The following PPP2R2D variants were observed in gnomAD, a reference collection of about 807,000 sequenced individuals.
The protein encoded by PPP2R2D is protein phosphatase 2 regulatory subunit Bdelta.
Under a neutral mutation model 31.1 loss-of-function variants are expected in PPP2R2D, and 9 were observed. The observed-to-expected ratio is 0.29, with a 90% confidence interval of 0.17 to 0.51. The LOEUF is 0.51. PPP2R2D is among the 20% of genes least tolerant of loss of function. The pLI, the probability that PPP2R2D is intolerant of heterozygous loss-of-function variation, is 0.98. For missense variants in PPP2R2D, 391 were observed against 465.6 expected (o/e 0.84, Z 1.48); for synonymous variants, 179 against 172.6 (o/e 1.04, Z -0.29).
Position 131,957,001 on chromosome 10 carries a change from C to G in PPP2R2D, c.*1038C>G, listed in dbSNP as rs192331368. On this transcript the variant is annotated 3_prime_UTR_variant, in exon 9 of 9. Transcript: ENST00000455566. ...TTAAGCAATTTTAATTACACGATGC[C>G]ACCAGTACGTTGGTTTATTTTCAAA... 2 of 152,274 alleles carry G rather than the reference C, an allele frequency of 1.3e-5. No individual in the cohort carries two copies. Among genetic ancestry groups the G allele is most frequent in the Non-Finnish European group, 2.9e-5 (2 of 68,074 alleles). The allele number at this position is 152,274 out of a possible 1,614,324, so 9.4% of individuals were successfully genotyped here.
At chr10:131,962,048 G>A (rs1015761993), downstream of PPP2R2D, among the ~76,000 whole-genome samples, 15 of 152,218 alleles carry the variant, frequency 9.9e-5, no homozygotes, top group African/African-American at 2.4e-4. Flanking sequence ...ACCGGTGCCC[G>A]GGACTCTGCT....
downstream of PPP2R2D, among the ~76,000 whole-genome samples, chr10:131,962,743 C>T (rs1453663598): frequency 6.6e-6 from 1 of 152,180 alleles, no homozygotes; most frequent in African/African-American, 2.4e-5. Flanking sequence ...ATGGCCAGGC[C>T]CAGACCACGT....
At chr10:131,929,577 C>A (rs1554895395) in intron 2 of PPP2R2D, among the ~76,000 whole-genome samples, 1 of 152,178 alleles carries the variant, frequency 6.6e-6, no homozygotes. Flanking sequence ...CGTGTCCTCT[C>A]TTTCACTCCT....
chr10:131,920,399 A>T (rs1216970865), intron 2 of PPP2R2D, among the ~76,000 whole-genome samples: 5 of 136,248 alleles, frequency 3.7e-5, no homozygotes, highest in East Asian at 2.4e-4. Context: ...GTGGAGTGAC[A>T]CAGTGTAGGG....
chr10:131,935,491 C>T (rs1311148620), intron 3 of PPP2R2D, among the ~76,000 whole-genome samples: 1 of 150,848 alleles, frequency 6.6e-6, no homozygotes, highest in Admixed American at 6.6e-5. Context: ...GGCCCTGCCC[C>T]CCAGGAAGGG....
chr10:131,918,419 G>C (rs2035873890), intron 2 of PPP2R2D, among the ~76,000 whole-genome samples: 2 of 147,624 alleles, frequency 1.4e-5, no homozygotes, highest in Non-Finnish European at 3.0e-5. Context: ...GATCTCACAT[G>C]GGTGGAATGA....
intron 2 of PPP2R2D, among the ~76,000 whole-genome samples, chr10:131,930,407 C>T (rs1461789276): frequency 2.0e-5 from 3 of 152,250 alleles, no homozygotes; most frequent in East Asian, 1.9e-4. Flanking sequence ...CTGCCATCTT[C>T]CTTCTCTTGG....
intron 2 of PPP2R2D, among the ~76,000 whole-genome samples, chr10:131,932,295 C>T (rs956378272): frequency 6.6e-6 from 1 of 152,074 alleles, no homozygotes; most frequent in Admixed American, 6.6e-5. Flanking sequence ...CCAGGAGGTG[C>T]CAGGCTGTAC....
intron 2 of PPP2R2D, among the ~76,000 whole-genome samples, chr10:131,902,748 CTCTT>C (rs2035520788): frequency 6.6e-6 from 1 of 152,124 alleles, no homozygotes; most frequent in East Asian, 1.9e-4. Context: ...TTTCTGTTAA[CTCTT>C]TATTTTGTTT....
At position 131,956,491 on chromosome 10, in the gene PPP2R2D, C is replaced by G. The variant is rs1554900043; in HGVS notation, c.*528C>G. On this transcript the variant is annotated 3_prime_UTR_variant, in exon 9 of 9. Transcript: ENST00000455566. ...CACTCACCCACAGCATCCGCCGCCA[C>G]CCCTTCGGGTGTGAGCGCTCAATAA... 1.0e-6 allele frequency: 1 copy of G among 985,460 alleles called. No homozygotes were observed. Among genetic ancestry groups the G allele is most frequent in the African/African-American group, 1.7e-5 (1 of 57,246 alleles). 61.0% of individuals were successfully genotyped at this position (985,460 alleles called of 1,614,324 possible).
chr10:131,965,439 C>CA, the PPP2R2D span, among the ~76,000 whole-genome samples: 1 of 151,824 alleles, frequency 6.6e-6, no homozygotes, highest in Non-Finnish European at 1.5e-5. Context: ...TAAGGGCTGT[C>CA]AAAAAAACTA....
chr10:131,924,125 G>GT (rs1215624544), intron 2 of PPP2R2D, among the ~76,000 whole-genome samples: 2 of 152,116 alleles, frequency 1.3e-5, no homozygotes, highest in African/African-American at 4.8e-5. Context: ...TGTGTTTTCA[G>GT]TCTCTTGATG....
intron 2 of PPP2R2D, among the ~76,000 whole-genome samples, chr10:131,910,499 G>C (rs2035665047): frequency 6.6e-6 from 1 of 152,206 alleles, no homozygotes; most frequent in Non-Finnish European, 1.5e-5. Context: ...TTTCTGTGAA[G>C]TGAGGGACGC....
intron 2 of PPP2R2D, among the ~76,000 whole-genome samples, chr10:131,913,986 C>T (rs2035728241): frequency 6.6e-6 from 1 of 152,188 alleles, no homozygotes; most frequent in Non-Finnish European, 1.5e-5. Context: ...TCGTGCACAA[C>T]ACCTACCACT....
the PPP2R2D span, chr10:131,968,590 T>C: frequency 8.3e-6 from 13 of 1,571,714 alleles, no homozygotes; most frequent in Admixed American, 2.2e-4. Context: ...AAATTATCAG[T>C]AGTTAATGTA....
At chr10:131,931,106 G>A (rs993286171) in intron 2 of PPP2R2D, among the ~76,000 whole-genome samples, 6 of 152,126 alleles carry the variant, frequency 3.9e-5, no homozygotes, top group South Asian at 2.1e-4. Context: ...AGGGTCCCAC[G>A]TCCAGCATCC....
In PPP2R2D at chr10:131,942,770, G is replaced by A. The variant is rs371340388; in HGVS notation, c.478-1198G>A. 1.3e-4 allele frequency among the ~76,000 whole-genome samples: 19 copies of A among 151,278 alleles called. No homozygotes were observed. The East Asian group carries it at 3.7e-3, about 29-fold the overall frequency. On this transcript the variant is annotated intron_variant, in intron 5 of 8. Transcript: ENST00000455566. The stretch of plus-strand genomic sequence containing the variant: ...TCAATAAAAGAAGGAATCTTTGTAA[G>A]TATTGCAGCTATCATATGTTTTGAT...
intron 2 of PPP2R2D, among the ~76,000 whole-genome samples, chr10:131,923,557 C>G (rs2036035146): frequency 6.6e-6 from 1 of 152,156 alleles, no homozygotes; most frequent in South Asian, 2.1e-4. Context: ...ATTTTGTAAT[C>G]CCGCCGTCAA....
At chr10:131,932,938 A>T (rs1442101927) in intron 2 of PPP2R2D, among the ~76,000 whole-genome samples, 2 of 152,200 alleles carry the variant, frequency 1.3e-5, no homozygotes, top group African/African-American at 4.8e-5. Flanking sequence ...AGTCCATTAT[A>T]ATTAAGTTTG....
Sources: gnomAD v4.1 joint callset for allele counts (sites outside exome capture counted in the v4.1 genomes callset) on GRCh38, gnomAD v4.1.1 for gene constraint, MANE v1.5 for transcripts, NCBI Gene and HGNC (gene_info 2026-07-23, HGNC 2026-07-21) for gene names.